The following FOXP2 variants were observed in gnomAD, a reference collection of about 807,000 sequenced individuals.
FOXP2 encodes the protein forkhead box protein P2.
FOXP2 carries 12 observed loss-of-function variants against 115.8 expected under a neutral mutation model. That is an observed-to-expected ratio of 0.10 (90% CI 0.07 to 0.17). The LOEUF is 0.17. Ranked by LOEUF, FOXP2 falls within the 10% of genes least tolerant of loss-of-function variation. The probability of loss-of-function intolerance (pLI) is 1.00; values close to 1 mark genes in which losing one functional copy is unlikely to be tolerated. For missense variants in FOXP2, 629 were observed against 843.5 expected (o/e 0.75, Z 3.15); for synonymous variants, 328 against 297.7 (o/e 1.10, Z -1.05).
At chr7:114,188,798 G>A (rs1404315017) in intron 1 of FOXP2, among the ~76,000 whole-genome samples, 1 of 152,080 alleles carries the variant, frequency 6.6e-6, no homozygotes, top group Admixed American at 6.6e-5. Flanking sequence ...TCATAATATG[G>A]GGCTTGACCT....
intron 1 of FOXP2, among the ~76,000 whole-genome samples, chr7:114,156,233 C>T (rs2129149606): frequency 6.6e-6 from 1 of 152,226 alleles, no homozygotes; most frequent in African/African-American, 2.4e-5. Context: ...TATTTTTTTA[C>T]AGAGACAGTT....
At chr7:114,324,599 C>T (rs1409174072) in intron 2 of FOXP2, among the ~76,000 whole-genome samples, 1 of 151,782 alleles carries the variant, frequency 6.6e-6, no homozygotes, top group African/African-American at 2.4e-5. Flanking sequence ...CTGTCTTCAA[C>T]ATATTACCTA....
At chr7:114,550,118 T>C (rs865872977) in intron 3 of FOXP2, among the ~76,000 whole-genome samples, 7,074 of 140,724 alleles carry the variant, frequency 0.05, 211 homozygotes, top group Non-Finnish European at 0.073. Flanking sequence ...TTTTCTTTTT[T>C]TTTTTTTTTT....
chr7:114,334,811 C>T lies in FOXP2; in HGVS notation c.-11+46702C>T, dbSNP rs557135703. On this transcript the variant is annotated intron_variant, in intron 2 of 17. Coordinates refer to the FOXP2 transcript ENST00000634411. ...AGTGATACCTTTAATTTTTAAAGATCGAAAATGATCATAAATGAGAATCAG... is the reference window on the plus strand; with the variant it reads ...AGTGATACCTTTAATTTTTAAAGATTGAAAATGATCATAAATGAGAATCAG... Among the ~76,000 whole-genome samples, 6 of 148,478 alleles carry T rather than the reference C, an allele frequency of 4.0e-5. No homozygotes were observed. The South Asian group carries it at 1.1e-3, about 27-fold the overall frequency.
At chr7:114,483,098 A>G (rs770323312) in intron 2 of FOXP2, among the ~76,000 whole-genome samples, 7 of 151,594 alleles carry the variant, frequency 4.6e-5, no homozygotes, top group Non-Finnish European at 8.9e-5. Context: ...GTTAGTTTTC[A>G]TTTATTCCTG....
intron 1 of FOXP2, among the ~76,000 whole-genome samples, chr7:114,154,969 A>G (rs1792624969): frequency 6.6e-6 from 1 of 152,136 alleles, no homozygotes; most frequent in Non-Finnish European, 1.5e-5. Flanking sequence ...ACGTTATGTC[A>G]GGTACCAATC....
intron 2 of FOXP2, among the ~76,000 whole-genome samples, chr7:114,387,856 AG>A (rs572419808): frequency 6.6e-6 from 1 of 152,114 alleles, no homozygotes; most frequent in Non-Finnish European, 1.5e-5. Flanking sequence ...GTAGAAAGGG[AG>A]GGGTTATGGA....
intron 2 of FOXP2, among the ~76,000 whole-genome samples, chr7:114,325,903 A>T (rs950763437): frequency 2.0e-5 from 3 of 152,098 alleles, no homozygotes; most frequent in African/African-American, 7.2e-5. Flanking sequence ...TAGACCTACA[A>T]TAATTTTGTC....
chr7:114,265,255 A>G (rs1199453604), intron 1 of FOXP2, among the ~76,000 whole-genome samples: 1 of 152,186 alleles, frequency 6.6e-6, no homozygotes. Flanking sequence ...GGGTATAGGC[A>G]TTGGGGAAAC....
At chr7:114,105,364 C>T (rs556361739) in intron 1 of FOXP2, among the ~76,000 whole-genome samples, 1 of 151,938 alleles carries the variant, frequency 6.6e-6, no homozygotes, top group Non-Finnish European at 1.5e-5. Context: ...GACAGCTTTC[C>T]AAAGTTTGTC....
chr7:114,101,909 G>T (rs1352425160), intron 1 of FOXP2, among the ~76,000 whole-genome samples: 3 of 148,248 alleles, frequency 2.0e-5, no homozygotes, highest in African/African-American at 7.7e-5. Flanking sequence ...TTGTGTGTGT[G>T]TGTGTGTGTG....
intron 3 of FOXP2, among the ~76,000 whole-genome samples, chr7:114,608,419 C>A (rs529428311): frequency 7.9e-5 from 12 of 152,250 alleles, no homozygotes; most frequent in Non-Finnish European, 1.5e-4. Flanking sequence ...CAGTTCACAG[C>A]ATGACAGCTT....
At chr7:114,212,873 T>C (rs114307142) in intron 1 of FOXP2, among the ~76,000 whole-genome samples, 1,871 of 152,262 alleles carry the variant, frequency 0.012, 38 homozygotes, top group African/African-American at 0.041. Flanking sequence ...AAATGGGCTT[T>C]CTTGGTGCCA....
intron 1 of FOXP2, among the ~76,000 whole-genome samples, chr7:114,238,077 A>AT (rs1016846749): frequency 6.6e-6 from 1 of 152,158 alleles, no homozygotes; most frequent in Non-Finnish European, 1.5e-5. Flanking sequence ...TGACATATGT[A>AT]TTTTTTGTTA....
chr7:114,139,372 A>G (rs1228055246), intron 1 of FOXP2, among the ~76,000 whole-genome samples: 1 of 152,162 alleles, frequency 6.6e-6, no homozygotes, highest in Non-Finnish European at 1.5e-5. Flanking sequence ...TACCAGGTTC[A>G]ACTTCTGCCC....
chr7:114,489,201 A>G (rs1315816962), intron 2 of FOXP2, among the ~76,000 whole-genome samples: 1 of 152,204 alleles, frequency 6.6e-6, no homozygotes, highest in Admixed American at 6.5e-5. Context: ...AATTAAGATT[A>G]ATTTTTCATG....
At chr7:114,463,855 G>A (rs1358097665) in intron 2 of FOXP2, among the ~76,000 whole-genome samples, 1 of 152,124 alleles carries the variant, frequency 6.6e-6, no homozygotes, top group Non-Finnish European at 1.5e-5. Flanking sequence ...CATATTCAGA[G>A]TAAGAAGAAA....
intron 16 of FOXP2, chr7:114,668,990 T>C (rs1399172727): frequency 6.6e-6 from 1 of 151,992 alleles, no homozygotes; most frequent in African/African-American, 2.4e-5. Flanking sequence ...TAATGTTCAT[T>C]TTTATGTGGG....
chr7:114,524,122 T>C (rs912293887), intron 2 of FOXP2, among the ~76,000 whole-genome samples: 1 of 152,166 alleles, frequency 6.6e-6, no homozygotes, highest in African/African-American at 2.4e-5. Context: ...TTATAGATGA[T>C]AACGTTTTGT....
Sources: allele counts gnomAD v4.1 joint callset (sites outside exome capture counted in the v4.1 genomes callset), GRCh38; gene constraint gnomAD v4.1.1; transcripts MANE v1.5; gene names NCBI Gene and HGNC (gene_info 2026-07-23, HGNC 2026-07-21).